The following KCNB2 variants were observed in gnomAD, a reference collection of about 807,000 sequenced individuals.
KCNB2 encodes the protein potassium voltage-gated channel subfamily B member 2.
A neutral mutation model predicts 61.5 loss-of-function variants in KCNB2; 15 were observed. The ratio of observed to expected loss-of-function variants is 0.24; its 90% confidence interval spans 0.16 to 0.38. KCNB2 has a LOEUF of 0.38. Among genes scored for constraint, KCNB2 ranks in the 10% least tolerant of loss-of-function variants. KCNB2 has a pLI of 1.00. For synonymous variants in KCNB2, 457 were observed against 446.0 expected (o/e 1.02, Z -0.31); for missense variants, 828 against 1,125.2 (o/e 0.74, Z 3.78).
At chr8:72,849,491 CA>C (rs1810055454) in intron 2 of KCNB2, among the ~76,000 whole-genome samples, 1 of 152,062 alleles carries the variant, frequency 6.6e-6, no homozygotes, top group African/African-American at 2.4e-5. Flanking sequence ...TGAGTTCTAC[CA>C]ATCTTTCTAA....
intron 2 of KCNB2, among the ~76,000 whole-genome samples, chr8:72,839,357 A>G (rs1330877363): frequency 6.6e-6 from 1 of 152,200 alleles, no homozygotes. Context: ...CCATTCAGCC[A>G]ATATCTTTTG....
chr8:72,785,044 C>A (rs764520778), intron 2 of KCNB2, among the ~76,000 whole-genome samples: 1 of 152,044 alleles, frequency 6.6e-6, no homozygotes, highest in Non-Finnish European at 1.5e-5. Flanking sequence ...AAAAATAACA[C>A]CTTTATAATC....
intron 2 of KCNB2, among the ~76,000 whole-genome samples, chr8:72,784,728 G>A (rs1376347156): frequency 6.6e-6 from 1 of 152,148 alleles, no homozygotes; most frequent in African/African-American, 2.4e-5. Context: ...AACACATGGG[G>A]ATTATAATTT....
At chr8:72,773,256 C>T (rs1042652826) in intron 2 of KCNB2, among the ~76,000 whole-genome samples, 3 of 152,206 alleles carry the variant, frequency 2.0e-5, no homozygotes, top group Non-Finnish European at 4.4e-5. Flanking sequence ...CATGAAAACT[C>T]ACCCAGCCTG....
intron 1 of KCNB2, among the ~76,000 whole-genome samples, chr8:72,556,406 A>G (rs751084180): frequency 7.9e-5 from 12 of 152,098 alleles, no homozygotes; most frequent in Non-Finnish European, 1.6e-4. Flanking sequence ...GAGGGAAAGA[A>G]TATTTATAAA....
At chr8:72,656,546 C>T (rs895578190) in intron 2 of KCNB2, among the ~76,000 whole-genome samples, 3 of 152,120 alleles carry the variant, frequency 2.0e-5, no homozygotes, top group Non-Finnish European at 4.4e-5. Flanking sequence ...CATGTATAAT[C>T]TCTCTCAATA....
chr8:72,725,828 T>A (rs910066354), intron 2 of KCNB2, among the ~76,000 whole-genome samples: 4 of 151,790 alleles, frequency 2.6e-5, no homozygotes, highest in Non-Finnish European at 5.9e-5. Context: ...GCACACTAAA[T>A]TAATTTTGAA....
chr8:72,724,474 A>G (rs2247121), intron 2 of KCNB2, among the ~76,000 whole-genome samples: 104,692 of 151,974 alleles, frequency 0.69, 37,222 homozygotes, highest in African/African-American at 0.86. Context: ...TTAATTGGTA[A>G]AGTCCAGATA....
chr8:72,927,605 C>G (rs557384812), intron 2 of KCNB2, among the ~76,000 whole-genome samples: 4 of 152,142 alleles, frequency 2.6e-5, no homozygotes, highest in African/African-American at 9.7e-5. Context: ...TGCATTCAAC[C>G]ACACTACACT....
intron 2 of KCNB2, among the ~76,000 whole-genome samples, chr8:72,920,459 ATCTATCTATCTATC>A (rs1397623610): frequency 3.1e-4 from 24 of 77,922 alleles, no homozygotes; most frequent in East Asian, 1.1e-3. Flanking sequence ...CTATCTATCT[ATCTATCTATCTATC>A]TATATATATA....
chr8:72,727,454 T>C (rs1807672066), intron 2 of KCNB2, among the ~76,000 whole-genome samples: 1 of 152,228 alleles, frequency 6.6e-6, no homozygotes, highest in Admixed American at 6.5e-5. Flanking sequence ...ATGTATAACT[T>C]TACTGCAGTG....
At chr8:72,823,403 T>C (rs998869194) in intron 2 of KCNB2, among the ~76,000 whole-genome samples, 12 of 152,124 alleles carry the variant, frequency 7.9e-5, no homozygotes, top group Admixed American at 6.5e-5. Flanking sequence ...CACTGGAGTC[T>C]GTGCACAGAC....
chr8:72,705,055 A>G (rs1176962504), intron 2 of KCNB2, among the ~76,000 whole-genome samples: 1 of 152,070 alleles, frequency 6.6e-6, no homozygotes, highest in Non-Finnish European at 1.5e-5. Context: ...CAGAGGGCTG[A>G]CTGTATGAAG....
chr8:72,566,196 A>G (rs952360415), intron 1 of KCNB2, among the ~76,000 whole-genome samples: 3 of 152,186 alleles, frequency 2.0e-5, no homozygotes, highest in Admixed American at 6.5e-5. Flanking sequence ...GGTGGAGAGG[A>G]GGCTGGACCT....
chr8:72,900,607 A>T (rs974374863), intron 2 of KCNB2, among the ~76,000 whole-genome samples: 2 of 152,136 alleles, frequency 1.3e-5, no homozygotes, highest in East Asian at 3.9e-4. Context: ...TCTGACAAAG[A>T]TCTAATACCC....
chr8:72,577,926 C>T (rs349334), intron 2 of KCNB2, among the ~76,000 whole-genome samples: 152,166 of 152,344 alleles, frequency 1, 75,995 homozygotes, highest in Middle Eastern at 1. Flanking sequence ...GTCCTATCTG[C>T]TGTCATCTAA....
intron 2 of KCNB2, among the ~76,000 whole-genome samples, chr8:72,638,893 G>A (rs1806009791): frequency 6.6e-6 from 1 of 152,080 alleles, no homozygotes; most frequent in East Asian, 1.9e-4. Context: ...CACCTTTACA[G>A]GATAGATGCC....
intron 2 of KCNB2, among the ~76,000 whole-genome samples, chr8:72,586,372 T>C (rs1807001109): frequency 6.6e-6 from 1 of 152,210 alleles, no homozygotes; most frequent in Non-Finnish European, 1.5e-5. Context: ...AGCCCTAAGA[T>C]GATTGGATTA....
rs1189336093 is a variant in KCNB2, at chr8:72,561,727, A to ATATATATATATG, written c.-93-5914_-93-5913insATATATATATGT. Among the ~76,000 whole-genome samples, 49 of 35,260 alleles carry ATATATATATATG rather than the reference A, an allele frequency of 1.4e-3. 3 individuals are homozygous for ATATATATATATG. The highest frequency in any genetic ancestry group is 2.6e-3 in the Non-Finnish European group (41 of 15,824). 23.1% of individuals were successfully genotyped at this position (35,260 alleles called of 152,430 possible). ...TATATATATATATATATATATATATATCTATATCTATATATATATGTATAT... is the reference window on the plus strand; with the variant it reads ...TATATATATATATATATATATATATATATATATATATGTCTATATCTATATATATATGTATAT... On this transcript the variant is annotated intron_variant, in intron 1 of 2. Coordinates refer to ENST00000523207, the MANE Select transcript of KCNB2 (RefSeq NM_004770.3).
Sources: gnomAD v4.1 joint callset for allele counts (sites outside exome capture counted in the v4.1 genomes callset) on GRCh38, gnomAD v4.1.1 for gene constraint, MANE v1.5 for transcripts, NCBI Gene and HGNC (gene_info 2026-07-23, HGNC 2026-07-21) for gene names.